VAT1L: variants seen among roughly 807,000 people sequenced by gnomAD.
VAT1L encodes the protein putative NADPH-dependent quinone oxidoreductase VAT1L.
VAT1L carries 34 observed loss-of-function variants against 44.1 expected under a neutral mutation model. That is an observed-to-expected ratio of 0.77 (90% CI 0.59 to 1.03). The LOEUF (loss-of-function observed/expected upper bound fraction) is 1.03, where lower values mean the gene tolerates loss of function less well. Ranked by LOEUF, VAT1L falls within the 50% of genes least tolerant of loss-of-function variation. The pLI is 0.00. For missense variants in VAT1L, 615 were observed against 538.8 expected, an observed-to-expected ratio of 1.14 and a Z score of -1.40; for synonymous variants, 253 against 202.2, an observed-to-expected ratio of 1.25 and a Z score of -2.13.
intron 3 of VAT1L, among the ~76,000 whole-genome samples, chr16:77,858,802 C>G (rs950547597): frequency 1.3e-5 from 2 of 151,946 alleles, no homozygotes; most frequent in Non-Finnish European, 2.9e-5. Context: ...AATTCTAGAC[C>G]AGCCTGGGTA....
At chr16:77,853,594 A>G (rs2016827753) in intron 3 of VAT1L, among the ~76,000 whole-genome samples, 1 of 152,046 alleles carries the variant, frequency 6.6e-6, no homozygotes, top group South Asian at 2.1e-4. Flanking sequence ...TCTCAGCTTG[A>G]GCTGCATCAG....
chr16:77,884,603 T>C lies in VAT1L; in HGVS notation c.883-5T>C. 2 of 1,612,302 alleles carry C rather than the reference T, an allele frequency of 1.2e-6. No individual in the cohort carries two copies. Among genetic ancestry groups the C allele is most frequent in the Non-Finnish European group, 1.7e-6 (2 of 1,179,412 alleles). ...CCTATAACCCAATACCACCTCTCTT[T>C]GCAGTGGTGGCAGGTGGAGAAGGTG... On this transcript the variant is annotated splice_region_variant and splice_polypyrimidine_tract_variant and intron_variant, in intron 6 of 8. Coordinates refer to ENST00000302536, the MANE Select transcript of VAT1L (RefSeq NM_020927.3). This position sits in a 1 kb window ranked among gnomAD's most constrained non-coding sequence, Gnocchi z 4.5.
At chr16:77,914,781 AG>A (rs1373219156) in intron 7 of VAT1L, among the ~76,000 whole-genome samples, 1 of 152,240 alleles carries the variant, frequency 6.6e-6, no homozygotes, top group Non-Finnish European at 1.5e-5. Flanking sequence ...GTGTTATCAT[AG>A]ATCAAATATC....
Position 77,858,781 on chromosome 16 carries a change from T to C in VAT1L, c.580-3967T>C, listed in dbSNP as rs539543697. ...GGTTTGGGAAGCCAAGATTGATTAC[T>C]TGAGGCCAGGAATTCTAGACCAGCC... On this transcript the variant is annotated intron_variant, in intron 3 of 8. Coordinates refer to ENST00000302536, the MANE Select transcript of VAT1L (RefSeq NM_020927.3). 1.2e-3 allele frequency among the ~76,000 whole-genome samples: 183 copies of C among 152,216 alleles called. 1 individual carries two copies. Among genetic ancestry groups the C allele is most frequent in the African/African-American group, 4.1e-3 (171 of 41,532 alleles).
intron 5 of VAT1L, among the ~76,000 whole-genome samples, chr16:77,878,081 T>C (rs1372066633): frequency 5.9e-5 from 9 of 152,216 alleles, no homozygotes; most frequent in Non-Finnish European, 1.3e-4. Flanking sequence ...ATTAATCCCA[T>C]GTGAGTAGTT....
At chr16:77,816,418 T>C (rs537169308) in intron 1 of VAT1L, among the ~76,000 whole-genome samples, 88 of 152,328 alleles carry the variant, frequency 5.8e-4, no homozygotes, top group Middle Eastern at 3.4e-3. Flanking sequence ...GTGTGTGTGA[T>C]GATTGAGGAG....
intron 3 of VAT1L, among the ~76,000 whole-genome samples, chr16:77,839,536 A>T (rs56094206): frequency 0.014 from 340 of 25,180 alleles, no homozygotes; most frequent in Admixed American, 0.015. Flanking sequence ...ACTCCATATC[A>T]AAAAAAAAAA....
chr16:77,923,112 C>A (rs1003937965), intron 7 of VAT1L, among the ~76,000 whole-genome samples: 1 of 152,162 alleles, frequency 6.6e-6, no homozygotes, highest in Non-Finnish European at 1.5e-5. Context: ...CTGTGTGACC[C>A]CCCGAACCTC....
intron 4 of VAT1L, among the ~76,000 whole-genome samples, chr16:77,865,151 T>G (rs2016959869): frequency 6.6e-6 from 1 of 151,882 alleles, no homozygotes; most frequent in African/African-American, 2.4e-5. Flanking sequence ...TTTTTTGTAT[T>G]TTTAGTAGAG....
chr16:77,853,582 AT>A lies in VAT1L; in HGVS notation c.580-9164del, dbSNP rs1172254878. 4.6e-5 allele frequency among the ~76,000 whole-genome samples: 7 copies of A among 152,236 alleles called. No individual in the cohort carries two copies. In the East Asian group the frequency reaches 1.4e-3, roughly 29 times the overall value. On this transcript the variant is annotated intron_variant, in intron 3 of 8. Coordinates refer to ENST00000302536, the MANE Select transcript of VAT1L (RefSeq NM_020927.3). ...TTTACCATGATGATTTATGTCAGTG[AT>A]TCTCAGCTTGAGCTGCATCAGAATC...
In VAT1L at chr16:77,979,314, A is replaced by G. The variant is rs429536; in HGVS notation, c.*1619A>G. 56,674 of 152,236 alleles carry G rather than the reference A, an allele frequency of 0.37. 10,918 individuals are homozygous for G. Among genetic ancestry groups the G allele is most frequent in the Middle Eastern group, 0.43 (127 of 294 alleles). The allele number at this position is 152,236 out of a possible 1,614,324, so 9.4% of individuals were successfully genotyped here. A position where few individuals can be genotyped will look rare whatever the true frequency, so the allele number is the denominator to read the frequency against. ...CTTTCATCTGAGGAACCAAGGGGTG[A>G]GAGTATCCCAAAGGAGGACACCAGC... On this transcript the variant is annotated 3_prime_UTR_variant, in exon 9 of 9. Coordinates refer to ENST00000302536, the MANE Select transcript of VAT1L (RefSeq NM_020927.3).
intron 1 of VAT1L, among the ~76,000 whole-genome samples, chr16:77,793,311 G>C (rs918068709): frequency 1.3e-5 from 2 of 152,008 alleles, no homozygotes; most frequent in African/African-American, 4.8e-5. Flanking sequence ...TCGAGACAGA[G>C]TCTATGTTGC....
chr16:77,939,973 T>C (rs1567515469), intron 7 of VAT1L, among the ~76,000 whole-genome samples: 1 of 152,274 alleles, frequency 6.6e-6, no homozygotes, highest in East Asian at 1.9e-4. Flanking sequence ...TAAGATGCAG[T>C]AATAGAAATG....
chr16:77,874,860 A>AAT (rs1555516060), intron 4 of VAT1L, among the ~76,000 whole-genome samples: 9 of 151,012 alleles, frequency 6.0e-5, no homozygotes, highest in East Asian at 3.9e-4. Flanking sequence ...AAAAAAAAAA[A>AAT]AAAGCCAGTC....
chr16:77,909,682 T>C (rs1209548560), intron 7 of VAT1L, among the ~76,000 whole-genome samples: 1 of 150,266 alleles, frequency 6.7e-6, no homozygotes, highest in Admixed American at 6.6e-5. Context: ...TACTGAGTGC[T>C]GAGCACTCTG....
intron 1 of VAT1L, among the ~76,000 whole-genome samples, chr16:77,816,483 C>G (rs535879301): frequency 3.3e-5 from 5 of 152,286 alleles, no homozygotes; most frequent in African/African-American, 1.2e-4. Context: ...CAGGCACTGG[C>G]TAGTGGCCAT....
At chr16:77,799,858 T>C (rs116785265) in intron 1 of VAT1L, among the ~76,000 whole-genome samples, 1 of 152,254 alleles carries the variant, frequency 6.6e-6, no homozygotes, top group African/African-American at 2.4e-5. Flanking sequence ...TTGGAAGTTC[T>C]AGGAATTTTC....
intron 7 of VAT1L, among the ~76,000 whole-genome samples, chr16:77,959,575 G>C (rs2018139835): frequency 6.6e-6 from 1 of 151,968 alleles, no homozygotes; most frequent in African/African-American, 2.4e-5. Context: ...CCCCCCTCTT[G>C]ATTTTTCCCC....
chr16:77,963,057 C>T (rs1442493524), intron 7 of VAT1L, among the ~76,000 whole-genome samples: 1 of 152,220 alleles, frequency 6.6e-6, no homozygotes, highest in Non-Finnish European at 1.5e-5. Flanking sequence ...CCTAAAGAGG[C>T]TTCTAGTGGA....
Sources: allele counts gnomAD v4.1 joint callset (sites outside exome capture counted in the v4.1 genomes callset), GRCh38; gene constraint gnomAD v4.1.1; non-coding constraint Gnocchi (gnomAD v3.1); transcripts MANE v1.5; gene names NCBI Gene and HGNC (gene_info 2026-07-23, HGNC 2026-07-21).